FAM185A: variants seen among roughly 807,000 people sequenced by gnomAD.
FAM185A encodes protein FAM185A.
In FAM185A, 21 loss-of-function variants were observed where a neutral mutation model predicts 45.7. The ratio of observed to expected loss-of-function variants is 0.46; its 90% CI spans 0.33 to 0.66. The LOEUF is 0.66. Ranked by LOEUF, FAM185A falls within the 30% of genes least tolerant of loss-of-function variation. The pLI is 0.03. For synonymous variants in FAM185A, 117 were observed against 194.0 expected, an observed-to-expected ratio of 0.60 and a Z score of 3.30; for missense variants, 305 against 485.4, an observed-to-expected ratio of 0.63 and a Z score of 3.49.
the FAM185A span, among the ~76,000 whole-genome samples, chr7:102,818,598 A>C: frequency 6.6e-6 from 1 of 152,176 alleles, no homozygotes; most frequent in Non-Finnish European, 1.5e-5. Flanking sequence ...GATCTCCTAG[A>C]ATGCCTGAGC....
At position 102,784,573 on chromosome 7, in the gene FAM185A, C is replaced by T. The variant is rs199928320; in HGVS notation, c.932-2762C>T. Among the ~76,000 whole-genome samples the T allele has an allele frequency of 6.8e-3, 1,035 of 151,336 alleles. 53 individuals carry two copies. In the East Asian group the frequency reaches 0.14, roughly 21 times the overall value. ...TAATCCAGCATATAAACAGAACCAA[C>T]GACAAAAACCATATGATTATCTCAA... On this transcript the variant is annotated intron_variant, in intron 6 of 7. Transcript: ENST00000413034.
In FAM185A at chr7:102,749,451, C is replaced by T. The variant is rs1793201241; in HGVS notation, c.244C>T (p.Pro82Ser). The T allele has an allele frequency of 1.9e-6, 3 of 1,547,700 alleles. No individual in the cohort carries two copies. Among genetic ancestry groups the T allele is most frequent in the East Asian group, 4.9e-5 (2 of 40,880 alleles). ...GTTTGGTCGGCTGCGGGCGCGGCTC[C>T]CGTGCCACCTGGCCGTGAGGCCCCT... Reference protein sequence around the residue: ...SPFGRLRARLPCHLAVRPLDP... With the variant: ...SPFGRLRARLSCHLAVRPLDP... Residue 82 changes from proline (P) to serine (S), a missense_variant, in exon 1 of 8, where the codon CCG (proline) becomes TCG (serine). Pro to Ser is a moderately conservative substitution (Grantham distance 74). Transcript: ENST00000413034.
At chr7:102,822,354 G>T in the FAM185A span, 2 of 789,158 alleles carry the variant, frequency 2.5e-6, no homozygotes, top group East Asian at 2.7e-5. Context: ...AGGCTGGGAA[G>T]TCCAAGACTG....
At chr7:102,849,384 C>A in the FAM185A span, among the ~76,000 whole-genome samples, 1 of 152,196 alleles carries the variant, frequency 6.6e-6, no homozygotes, top group African/African-American at 2.4e-5. Context: ...GTGGTTTCCA[C>A]TAAACACTAA....
chr7:102,839,719 T>C, the FAM185A span, among the ~76,000 whole-genome samples: 25 of 152,178 alleles, frequency 1.6e-4, no homozygotes, highest in Non-Finnish European at 3.2e-4. Flanking sequence ...GTGCTGGGAT[T>C]ACACATGTGA....
At chr7:102,807,288 G>A (rs1468859829) in intron 7 of FAM185A, among the ~76,000 whole-genome samples, 1 of 152,014 alleles carries the variant, frequency 6.6e-6, no homozygotes, top group African/African-American at 2.4e-5. Context: ...TCTTGATTAA[G>A]GAAATATGGT....
At chr7:102,848,902 A>T in the FAM185A span, among the ~76,000 whole-genome samples, 3 of 152,132 alleles carry the variant, frequency 2.0e-5, no homozygotes, top group African/African-American at 7.2e-5. Flanking sequence ...CGGGAGGCTG[A>T]GGCAGGGGAA....
At chr7:102,841,406 C>G in the FAM185A span, among the ~76,000 whole-genome samples, 1 of 152,184 alleles carries the variant, frequency 6.6e-6, no homozygotes, top group Non-Finnish European at 1.5e-5. Flanking sequence ...ATGAAAAGAA[C>G]AGATGTGCAC....
chr7:102,838,921 C>T, the FAM185A span, among the ~76,000 whole-genome samples: 2 of 152,136 alleles, frequency 1.3e-5, no homozygotes, highest in Non-Finnish European at 2.9e-5. Context: ...TCCCCCAGCC[C>T]GACACCCGTG....
At chr7:102,786,208 T>C (rs959395534) in intron 6 of FAM185A, among the ~76,000 whole-genome samples, 1 of 152,092 alleles carries the variant, frequency 6.6e-6, no homozygotes, top group Admixed American at 6.5e-5. Flanking sequence ...TGTGGAGAAA[T>C]AGGAACACTT....
the FAM185A span, among the ~76,000 whole-genome samples, chr7:102,818,979 T>C: frequency 6.6e-6 from 1 of 152,196 alleles, no homozygotes; most frequent in Admixed American, 6.5e-5. Flanking sequence ...CAGGCCCCAG[T>C]GTGTGTTGTT....
chr7:102,818,723 A>G, the FAM185A span, among the ~76,000 whole-genome samples: 2 of 152,196 alleles, frequency 1.3e-5, no homozygotes, highest in East Asian at 3.8e-4. Context: ...CTAGTTCTCT[A>G]GAATTGAAGG....
intron 2 of FAM185A, chr7:102,755,278 A>G (rs371946755): frequency 0.012 from 6,191 of 527,896 alleles, 27 homozygotes; most frequent in Middle Eastern, 0.031. Flanking sequence ...TGGACAGGAC[A>G]TCCAGCCCAA....
chr7:102,827,185 C>T, the FAM185A span: 1 of 453,252 alleles, frequency 2.2e-6, no homozygotes, highest in Non-Finnish European at 4.5e-6. Flanking sequence ...GTGTTACTGC[C>T]CTTGAAGCAG....
At chr7:102,841,181 C>A in the FAM185A span, among the ~76,000 whole-genome samples, 1 of 150,966 alleles carries the variant, frequency 6.6e-6, no homozygotes, top group Non-Finnish European at 1.5e-5. Context: ...GTTTAAAAAA[C>A]AAAAGAAGCA....
chr7:102,834,127 AAAG>A, the FAM185A span, among the ~76,000 whole-genome samples: 1 of 112,266 alleles, frequency 8.9e-6, no homozygotes, highest in African/African-American at 4.3e-5. Flanking sequence ...AGAAAGAAAG[AAAG>A]AAAGAAAGAA....
the FAM185A span, chr7:102,814,254 C>T: frequency 6.6e-6 from 1 of 152,082 alleles, no homozygotes; most frequent in African/African-American, 2.4e-5. Context: ...AGTAATTGAC[C>T]ACTTCTGTAC....
chr7:102,832,865 G>A, the FAM185A span: 1 of 1,614,198 alleles, frequency 6.2e-7, no homozygotes, highest in Non-Finnish European at 8.5e-7. Flanking sequence ...AATGCTGAGA[G>A]ATGTGAGGTT....
rs1208940054 is a variant in FAM185A at position 102,798,885 on chromosome 7, T to C, written c.1067-9405T>C. Among the ~76,000 whole-genome samples, 5 of 151,976 alleles carry C rather than the reference T, an allele frequency of 3.3e-5. No individual in the cohort carries two copies. In the South Asian group the frequency reaches 6.2e-4, roughly 19 times the overall value. ...GCCTCAGCCTCCCAAGTAGCTGGGA[T>C]TACAGGCACCTGCCACCACGCCCAG... On this transcript the variant is annotated intron_variant, in intron 7 of 7. Transcript: ENST00000413034.
Sources: allele counts gnomAD v4.1 joint callset (sites outside exome capture counted in the v4.1 genomes callset), GRCh38; gene constraint gnomAD v4.1.1; transcripts MANE v1.5; gene names NCBI Gene and HGNC (gene_info 2026-07-23, HGNC 2026-07-21).